Variants in GOLGA1 observed in about 807,000 individuals in gnomAD.
GOLGA1 encodes the protein golgin A1, also known as golgin subfamily A member 1.
Under a neutral mutation model 119.7 loss-of-function variants are expected in GOLGA1, and 63 were observed. The ratio of observed to expected loss-of-function variants is 0.53; its 90% CI spans 0.43 to 0.65. The LOEUF (loss-of-function observed/expected upper bound fraction) is 0.65. Ranked by LOEUF, GOLGA1 falls within the 30% of genes least tolerant of loss-of-function variation. GOLGA1 has a pLI of 0.00. For missense variants in GOLGA1, 798 were observed against 912.8 expected, an observed-to-expected ratio of 0.87 and a Z score of 1.62; for synonymous variants, 318 against 333.4, an observed-to-expected ratio of 0.95 and a Z score of 0.50.
rs549386570 is a variant in GOLGA1 at position 124,886,713 on chromosome 9, G to A, written c.1905+1540C>T. Among the ~76,000 whole-genome samples, 9 of 152,218 alleles carry A rather than the reference G, an allele frequency of 5.9e-5. No homozygotes were observed. The South Asian group carries it at 1.7e-3, about 28-fold the overall frequency. On this transcript the variant is annotated intron_variant, in intron 19 of 22. Coordinates refer to ENST00000373555, the MANE Select transcript of GOLGA1 (RefSeq NM_002077.4). ...ACGACCTAGGCAAGAAGGGGGAGGC[G>A]GCTGGCGTAGTGCTTGGGGAGGTGG...
chr9:124,893,599 T>TG (rs1396382448), intron 15 of GOLGA1, among the ~76,000 whole-genome samples: 3 of 152,158 alleles, frequency 2.0e-5, no homozygotes, highest in Non-Finnish European at 4.4e-5. Context: ...GGGGTGCAGA[T>TG]GGGGTGCTGG....
At chr9:124,902,938 G>A (rs1396147712) in intron 12 of GOLGA1, among the ~76,000 whole-genome samples, 1 of 152,100 alleles carries the variant, frequency 6.6e-6, no homozygotes, top group Admixed American at 6.5e-5. Flanking sequence ...TGGTGGTAGC[G>A]CCAAAACTAA....
Position 124,926,717 on chromosome 9 carries a change from G to T in GOLGA1, c.424C>A (p.Leu142Ile). 6.3e-7 allele frequency: 1 copy of T among 1,585,732 alleles called. No individual in the cohort carries two copies. Among genetic ancestry groups the T allele is most frequent in the Non-Finnish European group, 8.7e-7 (1 of 1,154,988 alleles). ...AATAAAGATGAACTAACCTTTTCAA[G>T]CTGATCCATCTTTTCTGACCATTCC... ...DQEWSEKMDQ[L>I]EKEKNILTAQ... Residue 142 changes from leucine (L) to isoleucine (I), a missense_variant, in exon 7 of 23, where the codon CTT (leucine) becomes ATT (isoleucine). Leu to Ile is a conservative substitution (Grantham distance 5, BLOSUM62 2). Coordinates refer to ENST00000373555, the MANE Select transcript of GOLGA1 (RefSeq NM_002077.4).
At position 124,911,950 on chromosome 9, in the gene GOLGA1, A is replaced by C. The variant is rs1371237983; in HGVS notation, c.920T>G (p.Leu307Arg). The C allele has an allele frequency of 5.3e-5, 86 of 1,610,016 alleles. No individual in the cohort carries two copies. The highest frequency in any genetic ancestry group is 7.1e-5 in the Non-Finnish European group (84 of 1,176,342). ...TTCTTCTCCTGATAAGTTCTGTTCT[A>C]GTCTCTTCTCCAAGGATGCAACCTT... ...QEKVASLEKRLEQNLSGEEHL... is the reference protein window; with the variant it reads ...QEKVASLEKRREQNLSGEEHL... The change falls in exon 11 of 23, where the codon CTA becomes CGA. Residue 307 changes from leucine to arginine, a missense_variant. Transcript: ENST00000373555.
At position 124,881,734 on chromosome 9, in the gene GOLGA1, A is replaced by G. The variant is rs1293146001; in HGVS notation, c.2136+50T>C. 3 of 1,277,572 alleles carry G rather than the reference A, an allele frequency of 2.3e-6. No homozygotes were observed. The highest frequency in any genetic ancestry group is 2.2e-6 in the Non-Finnish European group (2 of 898,304). The allele number at this position is 1,277,572 out of a possible 1,614,324, so 79.1% of individuals were successfully genotyped here. On this transcript the variant is annotated intron_variant, in intron 21 of 22. Coordinates refer to ENST00000373555, the MANE Select transcript of GOLGA1 (RefSeq NM_002077.4). The surrounding 1 kb of genome is among the most constrained non-coding windows in gnomAD (Gnocchi z 4.9). ...CTGGGCAGGGGTCCCTGCAGGACAG[A>G]CTGTAGGGCGGGGCCTCAATACCCA...
At chr9:124,919,853 T>C (rs945417347) in intron 10 of GOLGA1, among the ~76,000 whole-genome samples, 1 of 152,152 alleles carries the variant, frequency 6.6e-6, no homozygotes, top group Non-Finnish European at 1.5e-5. Flanking sequence ...CGCAATGCAA[T>C]GGACAATCAT....
Position 124,881,918 on chromosome 9 carries a change from C to T in GOLGA1, c.2002G>A (p.Glu668Lys), listed in dbSNP as rs982949183. 1.7e-5 allele frequency: 27 copies of T among 1,611,592 alleles called. No individual in the cohort carries two copies. The highest frequency in any genetic ancestry group is 2.2e-5 in the Non-Finnish European group (26 of 1,179,070). Reference sequence around the variant, plus strand: ...TTTGCCATCTCAGGTCCAGGTTTCTCCCGGACTTCGAAGAGCTCATTATCG... The same window carrying T: ...TTTGCCATCTCAGGTCCAGGTTTCTTCCGGACTTCGAAGAGCTCATTATCG... ...RPDNELFEVR[E>K]KPGPEMANMA... is the part of the protein sequence containing the mutation. Residue 668 changes from glutamate (E) to lysine (K), a missense_variant, in exon 21 of 23, where the codon GAG becomes AAG. By Grantham distance (56) the Glu-to-Lys change is moderately conservative (BLOSUM62 1). Coordinates refer to ENST00000373555, the MANE Select transcript of GOLGA1 (RefSeq NM_002077.4). The surrounding 1 kb of genome is among the most constrained non-coding windows in gnomAD (Gnocchi z 4.9).
intron 13 of GOLGA1, 120 bp from the exon 14 acceptor site, chr9:124,899,598 C>A: frequency 9.7e-7 from 1 of 1,028,694 alleles, no homozygotes; most frequent in Non-Finnish European, 1.4e-6. Flanking sequence ...TGACCCCATC[C>A]CCCCTGGCGT....
At chr9:124,908,511 C>G in intron 11 of GOLGA1, 39 bp from the exon 12 acceptor site, 1 of 1,016,470 alleles carries the variant, frequency 9.8e-7, no homozygotes, top group South Asian at 1.3e-5. Context: ...ACTATCATTC[C>G]TCAGTTGAAT....
chr9:124,925,817 G>A (rs1260155356), intron 7 of GOLGA1, among the ~76,000 whole-genome samples: 3 of 152,294 alleles, frequency 2.0e-5, no homozygotes, highest in South Asian at 4.1e-4. Context: ...TGACACTAAT[G>A]ATTATTTTAA....
At chr9:124,918,318 A>G (rs1306477867) in intron 10 of GOLGA1, among the ~76,000 whole-genome samples, 1 of 152,240 alleles carries the variant, frequency 6.6e-6, no homozygotes, top group Non-Finnish European at 1.5e-5. Flanking sequence ...TCACCATAAT[A>G]TTATGAACAC....
intron 2 of GOLGA1, among the ~76,000 whole-genome samples, chr9:124,939,092 A>C (rs1024398758): frequency 3.3e-5 from 5 of 152,188 alleles, no homozygotes; most frequent in Non-Finnish European, 7.3e-5. Flanking sequence ...TGTGTGGCTA[A>C]GTGGAAGGGC....
Position 124,911,893 on chromosome 9 carries a change from G to T in GOLGA1, c.969+8C>A. 6.2e-7 allele frequency: 1 copy of T among 1,610,750 alleles called. No individual in the cohort carries two copies. Among genetic ancestry groups the T allele is most frequent in the Non-Finnish European group, 8.5e-7 (1 of 1,177,428 alleles). On this transcript the variant is annotated splice_region_variant and intron_variant, in intron 11 of 22. Transcript: ENST00000373555. ...AACACCAGCCAGCCCAAAGAGAACAGAAGTTACCTCTTTCAGGAGTTCTTG... is the reference window on the plus strand; with the variant it reads ...AACACCAGCCAGCCCAAAGAGAACATAAGTTACCTCTTTCAGGAGTTCTTG...
chr9:124,901,282 T>C lies in GOLGA1; in HGVS notation c.1066-735A>G, dbSNP rs536754525. ...CACCATGCCCGGCCTATTTTTTTTT[T>C]TTTTTTTGAGATGGAGTGTCACTCT... is the stretch of plus-strand genomic sequence containing the variant. On this transcript the variant is annotated intron_variant, in intron 12 of 22. Coordinates refer to ENST00000373555, the MANE Select transcript of GOLGA1 (RefSeq NM_002077.4). 4.1e-3 allele frequency among the ~76,000 whole-genome samples: 612 copies of C among 150,320 alleles called. 5 individuals carry two copies. Among genetic ancestry groups the C allele is most frequent in the Non-Finnish European group, 6.5e-3 (436 of 67,526 alleles).
At chr9:124,909,870 T>C (rs10986482) in intron 11 of GOLGA1, among the ~76,000 whole-genome samples, 88,264 of 152,052 alleles carry the variant, frequency 0.58, 26,065 homozygotes, top group Non-Finnish European at 0.58. Flanking sequence ...GTTCAAGTGA[T>C]TCTCTTGCTT....
Position 124,921,715 on chromosome 9 carries a change from G to A in GOLGA1, c.731+8C>T, listed in dbSNP as rs753875039. 2.5e-6 allele frequency: 4 copies of A among 1,610,286 alleles called. No individual in the cohort carries two copies. The highest frequency in any genetic ancestry group is 2.7e-5 in the African/African-American group (2 of 74,716). The stretch of plus-strand genomic sequence containing the variant: ...TCTTCCCAAGGGCCCCACAGACCAA[G>A]CAAGAACCTCTGCTCTTCCAGCGTT... On this transcript the variant is annotated splice_region_variant and intron_variant, in intron 9 of 22. Transcript: ENST00000373555.
At chr9:124,899,579 A>G in intron 13 of GOLGA1, 101 bp from the exon 14 acceptor site, 1 of 1,175,686 alleles carries the variant, frequency 8.5e-7, no homozygotes, top group Non-Finnish European at 1.2e-6. Context: ...AACAGAAACA[A>G]CTCTCTCCTG....
intron 1 of GOLGA1, chr9:124,947,235 C>T (rs1831159761): frequency 6.6e-6 from 1 of 152,100 alleles, no homozygotes. Flanking sequence ...TAATTTACTA[C>T]TCAGTAATAA....
Position 124,881,383 on chromosome 9 carries a change from C to T in GOLGA1, c.2137-126G>A, listed in dbSNP as rs1249270584. On this transcript the variant is annotated intron_variant, in intron 21 of 22. Transcript: ENST00000373555. This position sits in a 1 kb window ranked among gnomAD's most constrained non-coding sequence, Gnocchi z 4.9. The stretch of plus-strand genomic sequence containing the variant: ...GACCAGGTGGTGGGTGACGCTCTGG[C>T]ACTCTGAAGTTTGGCAGCAATGATA... The T allele has an allele frequency of 8.5e-6, 6 of 706,512 alleles. No individual in the cohort carries two copies. In the East Asian group the frequency reaches 1.5e-4, roughly 18 times the overall value. The allele number at this position is 706,512 out of a possible 1,614,324, so 43.8% of individuals were successfully genotyped here. A position where few individuals can be genotyped will look rare whatever the true frequency, so the allele number is the denominator to read the frequency against.
Sources: allele counts gnomAD v4.1 joint callset (sites outside exome capture counted in the v4.1 genomes callset), GRCh38; gene constraint gnomAD v4.1.1; non-coding constraint Gnocchi (gnomAD v3.1); transcripts MANE v1.5; gene names NCBI Gene and HGNC (gene_info 2026-07-23, HGNC 2026-07-21).